LRP2: variants seen among roughly 807,000 people sequenced by gnomAD.
The protein encoded by LRP2 is low-density lipoprotein receptor-related protein 2.
A neutral mutation model predicts 531.0 loss-of-function variants in LRP2; 172 were observed. The observed-to-expected ratio is 0.32, with a 90% CI of 0.29 to 0.37. The LOEUF (loss-of-function observed/expected upper bound fraction) is 0.37. Among genes scored for constraint, LRP2 ranks in the 10% least tolerant of loss-of-function variants. The pLI, the probability that LRP2 is intolerant of heterozygous loss-of-function variation, is 1.00. For missense variants in LRP2, 5,167 were observed against 5,868.3 expected (o/e 0.88, Z 3.90); for synonymous variants, 1,992 against 2,027.6 (o/e 0.98, Z 0.47).
chr2:169,150,681 C>A (rs1686084842), intron 68 of LRP2, among the ~76,000 whole-genome samples: 2 of 152,132 alleles, frequency 1.3e-5, no homozygotes, highest in Admixed American at 1.3e-4. Context: ...TAGAAAGATT[C>A]TCAGATGTGT....
chr2:169,216,330 T>C lies in LRP2; in HGVS notation c.5749A>G (p.Asn1917Asp). The change falls in exon 35 of 79, where the codon AAC becomes GAC. Residue 1917 changes from asparagine to aspartate, a missense_variant. Transcript: ENST00000649046. ...GTGACACACTCCAGGTGTTCGAGGTTCCCAGTAAAGAGAGTTTTCACAGAT... is the reference window on the plus strand; with the variant it reads ...GTGACACACTCCAGGTGTTCGAGGTCCCCAGTAAAGAGAGTTTTCACAGAT... ...GTSVKTLFTG[N>D]LEHLECVTLD... 6.2e-7 allele frequency: 1 copy of C among 1,613,684 alleles called. No individual in the cohort carries two copies. Among genetic ancestry groups the C allele is most frequent in the Non-Finnish European group, 8.5e-7 (1 of 1,179,716 alleles).
intron 67 of LRP2, among the ~76,000 whole-genome samples, chr2:169,152,350 C>G (rs1686173859): frequency 6.6e-6 from 1 of 152,118 alleles, no homozygotes; most frequent in Non-Finnish European, 1.5e-5. Context: ...CCCAAGATAA[C>G]TACCATAGAA....
intron 33 of LRP2, among the ~76,000 whole-genome samples, chr2:169,223,819 A>C (rs1165143978): frequency 6.6e-6 from 1 of 152,340 alleles, no homozygotes; most frequent in Admixed American, 6.5e-5. Flanking sequence ...ACTTGTGCAC[A>C]CTGCAAATTT....
chr2:169,327,713 A>C (rs1188231344), intron 1 of LRP2, among the ~76,000 whole-genome samples: 49 of 70,174 alleles, frequency 7.0e-4, no homozygotes, highest in Non-Finnish European at 1.1e-3. Flanking sequence ...AGGTGGGGGG[A>C]TCAGCACCCC....
Position 169,231,779 on chromosome 2 carries a change from T to C in LRP2, c.5162A>G (p.His1721Arg), listed in dbSNP as rs569502350. Residue 1721 changes from histidine (H) to arginine (R), a missense_variant, in exon 31 of 79, where the codon CAT becomes CGT. Around this residue, in one of 6 missense-constraint regions of LRP2, gnomAD observed 2,811 missense variants for 3,058.0 expected, o/e 0.92. Coordinates refer to ENST00000649046, the MANE Select transcript of LRP2 (RefSeq NM_004525.3). Reference sequence around the variant, plus strand: ...TGAAGGACAAACACAGGAGTAAAAATGAGGCCCCTGTGAGGAAAGCAGGCA... The same window carrying C: ...TGAAGGACAAACACAGGAGTAAAAACGAGGCCCCTGTGAGGAAAGCAGGCA... ...HLCLLSSQGP[H>R]FYSCVCPSGW... 1 of 1,613,878 alleles carries C rather than the reference T, an allele frequency of 6.2e-7. No homozygotes were observed. Among genetic ancestry groups the C allele is most frequent in the South Asian group, 1.1e-5 (1 of 91,056 alleles).
chr2:169,328,095 T>C (rs200413172), intron 1 of LRP2, among the ~76,000 whole-genome samples: 50,177 of 116,744 alleles, frequency 0.43, 10,870 homozygotes, highest in African/African-American at 0.59. Flanking sequence ...CCAGCCGCCC[T>C]GTCCAGGAGG....
intron 1 of LRP2, among the ~76,000 whole-genome samples, chr2:169,358,747 C>T (rs1023678503): frequency 6.6e-6 from 1 of 152,060 alleles, no homozygotes; most frequent in Non-Finnish European, 1.5e-5. Flanking sequence ...AATGTCAGCA[C>T]TTTGGGAAGC....
chr2:169,154,615 C>A lies in LRP2; in HGVS notation c.12152-12G>T, dbSNP rs752554840. ...CAAAGGAGAGCTACCTGTAAACAAA[C>A]AAAGGGCTACTTTATCTGTTTGAAT... On this transcript the variant is annotated splice_polypyrimidine_tract_variant and intron_variant, in intron 65 of 78. Coordinates refer to ENST00000649046, the MANE Select transcript of LRP2 (RefSeq NM_004525.3). The A allele has an allele frequency of 3.7e-6, 6 of 1,612,792 alleles. No homozygotes were observed. The highest frequency in any genetic ancestry group is 1.7e-4 in the Middle Eastern group (1 of 6,058).
rs73032932 is a variant in LRP2, at chr2:169,140,605, C to T, written c.13109-60G>A. 3.1e-3 allele frequency: 4,069 copies of T among 1,330,550 alleles called. 109 individuals are homozygous for T. In the African/African-American group the frequency reaches 0.05, roughly 16 times the overall value. 82.4% of individuals were successfully genotyped at this position (1,330,550 alleles called of 1,614,324 possible). On this transcript the variant is annotated intron_variant, in intron 71 of 78. Transcript: ENST00000649046. Reference sequence around the variant, plus strand: ...GCTGTACTCAGCAGAGTGCCCACACCATGCAAACCGGCCCAGGTTAGGGGT... The same window carrying T: ...GCTGTACTCAGCAGAGTGCCCACACTATGCAAACCGGCCCAGGTTAGGGGT...
intron 51 of LRP2, among the ~76,000 whole-genome samples, 185 bp downstream of exon 51, chr2:169,181,982 T>C (rs1180249124): frequency 6.6e-6 from 1 of 152,110 alleles, no homozygotes; most frequent in Admixed American, 6.5e-5. Context: ...ACAGAAGAGC[T>C]GATGATGATG....
intron 60 of LRP2, among the ~76,000 whole-genome samples, chr2:169,169,423 T>C (rs996786297): frequency 6.6e-6 from 1 of 152,248 alleles, no homozygotes; most frequent in Non-Finnish European, 1.5e-5. Flanking sequence ...TTTATCTAAT[T>C]AATGATTTGT....
At chr2:169,315,659 G>T (rs949102941) in intron 3 of LRP2, among the ~76,000 whole-genome samples, 1 of 152,184 alleles carries the variant, frequency 6.6e-6, no homozygotes, top group East Asian at 1.9e-4. Context: ...TGTAAACCGT[G>T]TTAGGGAATT....
intron 33 of LRP2, among the ~76,000 whole-genome samples, chr2:169,220,900 G>A (rs572945684): frequency 2.0e-5 from 3 of 152,180 alleles, no homozygotes; most frequent in Admixed American, 1.3e-4. Context: ...AATCCTTCAG[G>A]AGAGCTAAGA....
rs1039007244 is a variant in LRP2 at position 169,157,598 on chromosome 2, G to C, written c.11888-96C>G. The C allele has an allele frequency of 2.9e-6, 4 of 1,356,864 alleles. No homozygotes were observed. In the Admixed American group the frequency reaches 7.1e-5, roughly 24 times the overall value. 84.1% of individuals were successfully genotyped at this position (1,356,864 alleles called of 1,614,324 possible). On this transcript the variant is annotated intron_variant, in intron 63 of 78. Transcript: ENST00000649046. ...AGCACCTACTCGTAACCAACTATAG[G>C]ACATCTTGAGATAACCCCTTTCCAT...
At chr2:169,269,519 A>C (rs954056470) in intron 16 of LRP2, among the ~76,000 whole-genome samples, 29 of 152,318 alleles carry the variant, frequency 1.9e-4, no homozygotes, top group Admixed American at 1.0e-3. Flanking sequence ...TTCCCTATTT[A>C]ATAAATGGTA....
intron 9 of LRP2, among the ~76,000 whole-genome samples, chr2:169,284,581 C>G (rs574258319): frequency 6.6e-6 from 1 of 152,160 alleles, no homozygotes; most frequent in African/African-American, 2.4e-5. Context: ...GAAGGCTCTT[C>G]TAATGATCCC....
intron 71 of LRP2, 27 bp from the exon 72 acceptor site, chr2:169,140,572 G>A: frequency 1.3e-6 from 2 of 1,565,948 alleles, no homozygotes; most frequent in Non-Finnish European, 1.8e-6. Flanking sequence ...CCATGCAGGT[G>A]TTAGTCAGCT....
chr2:169,169,721 C>T lies in LRP2; in HGVS notation c.11478G>A (p.Ala3826=), dbSNP rs150464677. ...ACTTACGACAATCAGCTTCATCAGACGCATCCAAACAGTCAGCGGATCCAT... is the reference window on the plus strand; with the variant it reads ...ACTTACGACAATCAGCTTCATCAGATGCATCCAAACAGTCAGCGGATCCAT... ...KCDGSADCLD[A]SDEADCPTRF... is the part of the protein sequence containing the mutation. Residue 3826 remains alanine (A), a synonymous_variant, in exon 60 of 79, where the codon GCG becomes GCA. Coordinates refer to ENST00000649046, the MANE Select transcript of LRP2 (RefSeq NM_004525.3). The T allele has an allele frequency of 1.7e-4, 280 of 1,613,910 alleles. No individual in the cohort carries two copies. The highest frequency in any genetic ancestry group is 8.2e-4 in the Middle Eastern group (5 of 6,084).
chr2:169,205,786 G>T, intron 40 of LRP2, 149 bp from the exon 41 acceptor site: 1 of 951,152 alleles, frequency 1.1e-6, no homozygotes, highest in Non-Finnish European at 1.6e-6. Context: ...GTCCAAAGGA[G>T]ATCTAGTAAG....
Sources: allele counts gnomAD v4.1 joint callset (sites outside exome capture counted in the v4.1 genomes callset), GRCh38; gene constraint gnomAD v4.1.1; regional missense constraint gnomAD v4.1.1; transcripts MANE v1.5; gene names NCBI Gene and HGNC (gene_info 2026-07-23, HGNC 2026-07-21).